DOCK1: variants seen among roughly 807,000 people sequenced by gnomAD.
DOCK1 encodes dedicator of cytokinesis protein 1.
DOCK1 carries 138 observed loss-of-function variants against 262.7 expected under a neutral mutation model. That is an observed-to-expected ratio of 0.53 (90% CI 0.46 to 0.61). The LOEUF (loss-of-function observed/expected upper bound fraction) is 0.61, where lower values mean the gene tolerates loss of function less well. Ranked by LOEUF, DOCK1 falls within the 20% of genes least tolerant of loss-of-function variation. The pLI is 0.00. For missense variants in DOCK1, 1,908 were observed against 2,370.7 expected (o/e 0.80, Z 4.05); for synonymous variants, 866 against 867.4 (o/e 1.00, Z 0.03).
Position 127,032,255 on chromosome 10 carries a change from G to T in DOCK1, c.1847G>T (p.Cys616Phe), listed in dbSNP as rs748671173. The change falls in exon 18 of 52, where the codon TGC becomes TTC. Residue 616 changes from cysteine (C) to phenylalanine (F), a missense_variant. This residue lies in a region of DOCK1 where 294 missense variants were observed against 439.9 expected (regional missense o/e 0.67). Coordinates refer to ENST00000623213, the MANE Select transcript of DOCK1 (RefSeq NM_001290223.2). The stretch of plus-strand genomic sequence containing the variant: ...AAGAGCATGCAGAGCCTTGGGAGCT[G>T]CACCATTAGCAAGGACTCCTTCCAG... ...TGKSMQSLGS[C>F]TISKDSFQIS... is the part of the protein sequence containing the mutation. 1.3e-6 allele frequency: 2 copies of T among 1,597,464 alleles called. No individual in the cohort carries two copies. Among genetic ancestry groups the T allele is most frequent in the Non-Finnish European group, 1.7e-6 (2 of 1,172,802 alleles).
intron 25 of DOCK1, among the ~76,000 whole-genome samples, chr10:127,112,790 A>T (rs1592074744): frequency 1.3e-5 from 2 of 152,352 alleles, no homozygotes; most frequent in South Asian, 4.1e-4. Context: ...CTAAGCTGTA[A>T]CTGGCAGCTC....
intron 1 of DOCK1, among the ~76,000 whole-genome samples, chr10:126,920,604 G>T (rs1005433643): frequency 6.6e-6 from 1 of 152,204 alleles, no homozygotes; most frequent in African/African-American, 2.4e-5. Flanking sequence ...GCATTAAACA[G>T]CTAAAAGGAA....
intron 29 of DOCK1, among the ~76,000 whole-genome samples, chr10:127,336,494 T>A (rs951793148): frequency 2.0e-5 from 3 of 152,108 alleles, no homozygotes; most frequent in African/African-American, 7.2e-5. Context: ...TCTTAAAAGG[T>A]TTTTGTTCAG....
Position 127,419,783 on chromosome 10 carries a change from A to T in DOCK1, c.4776+34A>T. 2.6e-6 allele frequency: 4 copies of T among 1,558,122 alleles called. No homozygotes were observed. In the South Asian group the frequency reaches 4.7e-5, roughly 18 times the overall value. On this transcript the variant is annotated intron_variant, in intron 46 of 51. Coordinates refer to ENST00000623213, the MANE Select transcript of DOCK1 (RefSeq NM_001290223.2). ...TCCAGCAAGAGTCCTGCATGGCTGG[A>T]GGGAAGGAAAGCTAGGAGGGTCTAG...
chr10:127,364,459 C>T (rs1284222846), intron 33 of DOCK1, among the ~76,000 whole-genome samples: 2 of 152,182 alleles, frequency 1.3e-5, no homozygotes, highest in East Asian at 3.9e-4. Context: ...CTCCACATCC[C>T]GGGTTCAAGT....
intron 1 of DOCK1, among the ~76,000 whole-genome samples, chr10:126,918,552 T>C (rs1157430427): frequency 6.6e-6 from 1 of 152,230 alleles, no homozygotes; most frequent in Admixed American, 6.5e-5. Flanking sequence ...TGCTGGATAC[T>C]TAGCAGGGCC....
At chr10:127,071,604 A>G (rs1334437211) in intron 23 of DOCK1, among the ~76,000 whole-genome samples, 2 of 152,180 alleles carry the variant, frequency 1.3e-5, no homozygotes, top group Admixed American at 6.5e-5. Context: ...TTATCATTTT[A>G]TCACAACACC....
chr10:126,988,720 C>G (rs1480584456), intron 5 of DOCK1, among the ~76,000 whole-genome samples: 1 of 152,162 alleles, frequency 6.6e-6, no homozygotes, highest in Non-Finnish European at 1.5e-5. Context: ...AAATTTGCCT[C>G]TGATAGACTT....
At chr10:126,970,445 G>A (rs187620865) in intron 1 of DOCK1, among the ~76,000 whole-genome samples, 1 of 152,276 alleles carries the variant, frequency 6.6e-6, no homozygotes, top group African/African-American at 2.4e-5. Flanking sequence ...TCAAAATACT[G>A]TTAACAATGT....
At chr10:127,133,898 A>G (rs1189353054) in intron 27 of DOCK1, among the ~76,000 whole-genome samples, 2 of 152,224 alleles carry the variant, frequency 1.3e-5, no homozygotes, top group Non-Finnish European at 2.9e-5. Flanking sequence ...AGTGCCTGCA[A>G]ATATGCTAGT....
intron 23 of DOCK1, among the ~76,000 whole-genome samples, chr10:127,063,417 A>C (rs574035001): frequency 6.6e-6 from 1 of 152,264 alleles, no homozygotes; most frequent in East Asian, 1.9e-4. Flanking sequence ...CTTTCATCTC[A>C]GAGGTGGTGC....
At chr10:126,918,655 AATT>A (rs756165728) in intron 1 of DOCK1, among the ~76,000 whole-genome samples, 34 of 152,198 alleles carry the variant, frequency 2.2e-4, no homozygotes, top group South Asian at 4.1e-4. Flanking sequence ...TAAGTTCTAG[AATT>A]TCCCCCATTG....
intron 1 of DOCK1, among the ~76,000 whole-genome samples, chr10:126,941,542 G>A (rs1197126242): frequency 1.2e-4 from 19 of 152,300 alleles, no homozygotes; most frequent in African/African-American, 2.9e-4. Context: ...GGATCACGAG[G>A]TCAGGAGATC....
intron 23 of DOCK1, among the ~76,000 whole-genome samples, chr10:127,099,576 C>T (rs2048112206): frequency 6.6e-6 from 1 of 152,128 alleles, no homozygotes; most frequent in Admixed American, 6.5e-5. Context: ...AGGCGTGTCA[C>T]ATGGCAAGAG....
chr10:127,388,679 C>T (rs765215575), intron 38 of DOCK1, among the ~76,000 whole-genome samples: 33 of 152,176 alleles, frequency 2.2e-4, no homozygotes, highest in Admixed American at 7.9e-4. Flanking sequence ...GGTTCCGCCA[C>T]AGAGGAACAC....
rs971602272 is a variant in DOCK1, at chr10:126,994,795, G to A, written c.474-1953G>A. Reference sequence around the variant, plus strand: ...TCCCCCTTTTCTATTCGACAAAACCGCCATCGTCATCATGGCCCGTTCTCA... The same window carrying A: ...TCCCCCTTTTCTATTCGACAAAACCACCATCGTCATCATGGCCCGTTCTCA... On this transcript the variant is annotated intron_variant, in intron 6 of 51. Transcript: ENST00000623213. 5.3e-5 allele frequency among the ~76,000 whole-genome samples: 8 copies of A among 152,102 alleles called. No homozygotes were observed. In the South Asian group the frequency reaches 6.2e-4, roughly 12 times the overall value.
At chr10:127,215,645 G>A (rs2058174885) in intron 27 of DOCK1, among the ~76,000 whole-genome samples, 1 of 152,046 alleles carries the variant, frequency 6.6e-6, no homozygotes, top group Non-Finnish European at 1.5e-5. Context: ...GGCACTTTTT[G>A]TAACTAAATC....
At chr10:127,378,562 G>A (rs185068526) in intron 35 of DOCK1, among the ~76,000 whole-genome samples, 2 of 152,260 alleles carry the variant, frequency 1.3e-5, no homozygotes, top group Admixed American at 1.3e-4. Context: ...TCCTAGGAAG[G>A]GAACAGGACT....
rs1461055201 is a variant in DOCK1, at chr10:126,995,662, A to AGAGG, written c.474-1082_474-1079dup. On this transcript the variant is annotated intron_variant, in intron 6 of 51. Coordinates refer to ENST00000623213, the MANE Select transcript of DOCK1 (RefSeq NM_001290223.2). This position sits in a 1 kb window ranked among gnomAD's most constrained non-coding sequence, Gnocchi z 5.8. ...AGGGAGAGGGAGACCGTGGAGAGGG[A>AGAGG]GAGGGAGACCGTGGAGAGGGAGAGG... Among the ~76,000 whole-genome samples the AGAGG allele has an allele frequency of 4.2e-5, 4 of 95,308 alleles. No homozygotes were observed. In the East Asian group the frequency reaches 1.2e-3, roughly 29 times the overall value. 62.5% of individuals were successfully genotyped at this position (95,308 alleles called of 152,430 possible).
Sources: allele counts gnomAD v4.1 joint callset (sites outside exome capture counted in the v4.1 genomes callset), GRCh38; gene constraint gnomAD v4.1.1; regional missense constraint gnomAD v4.1.1; non-coding constraint Gnocchi (gnomAD v3.1); transcripts MANE v1.5; gene names NCBI Gene and HGNC (gene_info 2026-07-23, HGNC 2026-07-21).